The following ARFGEF3 variants were observed in gnomAD, a reference collection of about 807,000 sequenced individuals.
The protein encoded by ARFGEF3 is ARFGEF family member 3.
In ARFGEF3, 96 loss-of-function variants were observed where a neutral mutation model predicts 221.7. That is an observed-to-expected ratio of 0.43 (90% CI 0.37 to 0.51). The LOEUF (loss-of-function observed/expected upper bound fraction) is 0.51, where lower values mean the gene tolerates loss of function less well. Ranked by LOEUF, ARFGEF3 falls within the 20% of genes least tolerant of loss-of-function variation. The pLI is 0.00. For missense variants in ARFGEF3, 2,410 were observed against 2,789.9 expected, an observed-to-expected ratio of 0.86 and a Z score of 3.07; for synonymous variants, 1,145 against 1,126.8, an observed-to-expected ratio of 1.02 and a Z score of -0.32.
At chr6:138,290,070 C>A in intron 18 of ARFGEF3, 102 bp downstream of exon 18, 1 of 1,095,320 alleles carries the variant, frequency 9.1e-7, no homozygotes, top group Non-Finnish European at 1.3e-6. Context: ...AGCCTGCCAG[C>A]ATGTAAATCA....
intron 1 of ARFGEF3, among the ~76,000 whole-genome samples, chr6:138,167,785 T>C (rs1020115186): frequency 6.6e-6 from 1 of 152,212 alleles, no homozygotes; most frequent in Non-Finnish European, 1.5e-5. Context: ...TCCCAAGTAG[T>C]GTCACCTTGG....
At position 138,341,755 on chromosome 6, in the gene ARFGEF3, T is replaced by C. The variant is rs1780432934; in HGVS notation, c.*5269T>C. 6.6e-6 allele frequency: 1 copy of C among 152,162 alleles called. No individual in the cohort carries two copies. The allele number at this position is 152,162 out of a possible 1,614,324, so 9.4% of individuals were successfully genotyped here. Reference sequence around the variant, plus strand: ...ATTTGATGTGGAAATAACTAATAACTTAAGATTTTGGAACAGAACACCCTT... The same window carrying C: ...ATTTGATGTGGAAATAACTAATAACCTAAGATTTTGGAACAGAACACCCTT... On this transcript the variant is annotated 3_prime_UTR_variant, in exon 34 of 34. Transcript: ENST00000251691.
At chr6:138,163,557 A>G (rs533555199) in intron 1 of ARFGEF3, among the ~76,000 whole-genome samples, 64 of 152,174 alleles carry the variant, frequency 4.2e-4, no homozygotes, top group Non-Finnish European at 8.1e-4. Flanking sequence ...ATTCGTTATT[A>G]TTTTGCTGCA....
At chr6:138,228,589 A>T (rs1442327722) in intron 4 of ARFGEF3, among the ~76,000 whole-genome samples, 2 of 152,096 alleles carry the variant, frequency 1.3e-5, no homozygotes, top group Non-Finnish European at 2.9e-5. Context: ...CTTGTGACTA[A>T]ATATGGCAAA....
intron 8 of ARFGEF3, among the ~76,000 whole-genome samples, chr6:138,248,307 G>A (rs1052759156): frequency 1.3e-5 from 2 of 152,146 alleles, no homozygotes; most frequent in Non-Finnish European, 2.9e-5. Flanking sequence ...GAACTTGTTT[G>A]TGTTCACCAG....
chr6:138,335,640 G>A (rs910443385), intron 33 of ARFGEF3, among the ~76,000 whole-genome samples: 2 of 152,086 alleles, frequency 1.3e-5, no homozygotes, highest in Admixed American at 6.5e-5. Flanking sequence ...ATCCCAGGAG[G>A]CAGAGGTTGC....
At chr6:138,170,776 C>A in intron 2 of ARFGEF3, 63 bp downstream of exon 2, 1 of 942,196 alleles carries the variant, frequency 1.1e-6, no homozygotes, top group Non-Finnish European at 1.7e-6. Context: ...GCCCAGATAA[C>A]CACATTGGTT....
intron 7 of ARFGEF3, 129 bp downstream of exon 7, chr6:138,243,123 G>T: frequency 1.3e-6 from 1 of 763,380 alleles, no homozygotes; most frequent in Non-Finnish European, 2.3e-6. Flanking sequence ...TGGAGGTTGT[G>T]CTTGGCTTTG....
chr6:138,255,664 G>A lies in ARFGEF3; in HGVS notation c.999G>A (p.Val333=). ...TCGCAGCCGAGCTGGTCCGGCTGGT[G>A]GGGTCTGTGGACTCCATGAAGCCCG... is the stretch of plus-strand genomic sequence containing the variant. ...YYIAAELVRL[V]GSVDSMKPVL... is the part of the protein sequence containing the mutation. The change falls in exon 10 of 34, where the codon GTG becomes GTA. Residue 333 remains valine, a synonymous_variant. Coordinates refer to ENST00000251691, the MANE Select transcript of ARFGEF3 (RefSeq NM_020340.5). The A allele has an allele frequency of 6.2e-7, 1 of 1,613,656 alleles. No individual in the cohort carries two copies. Among genetic ancestry groups the A allele is most frequent in the Non-Finnish European group, 8.5e-7 (1 of 1,179,794 alleles).
At position 138,262,708 on chromosome 6, in the gene ARFGEF3, G is replaced by A. The variant is rs1448333128; in HGVS notation, c.1225G>A (p.Asp409Asn). 2.5e-6 allele frequency: 4 copies of A among 1,600,904 alleles called. No individual in the cohort carries two copies. The highest frequency in any genetic ancestry group is 1.3e-5 in the African/African-American group (1 of 74,802). Residue 409 changes from aspartate to asparagine, a missense_variant, in exon 12 of 34, where the codon GAT becomes AAT. Asp to Asn is a conservative substitution (Grantham distance 23, BLOSUM62 1). This residue lies in a region of ARFGEF3 where 570 missense variants were observed against 586.9 expected (regional missense o/e 0.97). Transcript: ENST00000251691. ...SHLDLLKLIM[D>N]GMTEACIKGG... is the part of the protein sequence containing the mutation. ...CTTTTGAACACTGTTTAGCATCATG[G>A]ATGGCATGACCGAAGCATGCATCAA...
At chr6:138,263,720 T>C (rs1345234905) in intron 12 of ARFGEF3, 109 bp downstream of exon 12, 4 of 1,065,072 alleles carry the variant, frequency 3.8e-6, no homozygotes, top group Non-Finnish European at 4.0e-6. Context: ...AGCATATTAA[T>C]GTATCTTTGG....
intron 11 of ARFGEF3, among the ~76,000 whole-genome samples, chr6:138,262,335 A>T (rs1456471628): frequency 6.6e-6 from 1 of 151,988 alleles, no homozygotes; most frequent in African/African-American, 2.4e-5. Flanking sequence ...GATTACAGGC[A>T]CATACCAACC....
chr6:138,209,399 T>G (rs1777680272), intron 3 of ARFGEF3, among the ~76,000 whole-genome samples: 1 of 152,110 alleles, frequency 6.6e-6, no homozygotes, highest in Non-Finnish European at 1.5e-5. Flanking sequence ...GAATGAATAA[T>G]CCAATAGCAG....
intron 8 of ARFGEF3, among the ~76,000 whole-genome samples, chr6:138,251,473 T>G (rs1401187844): frequency 6.6e-6 from 1 of 152,190 alleles, no homozygotes; most frequent in East Asian, 1.9e-4. Context: ...CCCTCTGATT[T>G]GTCCTGTCCA....
At position 138,265,112 on chromosome 6, in the gene ARFGEF3, C is replaced by A. The variant is rs190511844; in HGVS notation, c.2128+1501C>A. On this transcript the variant is annotated intron_variant, in intron 12 of 33. Transcript: ENST00000251691. ...TAGAGACAGGGTTTCGCTGTGTTAG[C>A]CAGGATGGTCTCGATCTCCTGACCT... Among the ~76,000 whole-genome samples, 486 of 152,154 alleles carry A rather than the reference C, an allele frequency of 3.2e-3. 2 individuals carry two copies. The highest frequency in any genetic ancestry group is 0.011 in the African/African-American group (443 of 41,506).
chr6:138,162,239 C>T lies in ARFGEF3; in HGVS notation c.85+68C>T, dbSNP rs568204927. 3 of 1,186,394 alleles carry T rather than the reference C, an allele frequency of 2.5e-6. No individual in the cohort carries two copies. Among genetic ancestry groups the T allele is most frequent in the African/African-American group, 1.6e-5 (1 of 62,584 alleles). The allele number at this position is 1,186,394 out of a possible 1,614,324, so 73.5% of individuals were successfully genotyped here. A position where few individuals can be genotyped will look rare whatever the true frequency, so the allele number is the denominator to read the frequency against. Reference sequence around the variant, plus strand: ...GGCCGGGGCTGAACCCGCGCCTCCGCGCGTGGGGCTTTCGCGGAGCGTCGG... The same window carrying T: ...GGCCGGGGCTGAACCCGCGCCTCCGTGCGTGGGGCTTTCGCGGAGCGTCGG... On this transcript the variant is annotated intron_variant, in intron 1 of 33. Coordinates refer to ENST00000251691, the MANE Select transcript of ARFGEF3 (RefSeq NM_020340.5). The surrounding 1 kb of genome is among the most constrained non-coding windows in gnomAD (Gnocchi z 4.7).
At chr6:138,240,163 T>G (rs1778368216) in intron 6 of ARFGEF3, among the ~76,000 whole-genome samples, 2 of 152,192 alleles carry the variant, frequency 1.3e-5, no homozygotes, top group Non-Finnish European at 2.9e-5. Context: ...GGATTTTGGA[T>G]ATAGCTAGTA....
chr6:138,218,039 C>T (rs1311651738), intron 4 of ARFGEF3: 4 of 1,610,210 alleles, frequency 2.5e-6, no homozygotes, highest in Admixed American at 1.7e-5. Flanking sequence ...GACAGCATTC[C>T]AGACCTAGGG....
intron 4 of ARFGEF3, among the ~76,000 whole-genome samples, chr6:138,213,796 T>G (rs1474451928): frequency 6.6e-6 from 1 of 152,166 alleles, no homozygotes; most frequent in Non-Finnish European, 1.5e-5. Flanking sequence ...AGCCTGAAGT[T>G]AATTTTTTGA....
Sources: allele counts gnomAD v4.1 joint callset (sites outside exome capture counted in the v4.1 genomes callset), GRCh38; gene constraint gnomAD v4.1.1; regional missense constraint gnomAD v4.1.1; non-coding constraint Gnocchi (gnomAD v3.1); transcripts MANE v1.5; gene names NCBI Gene and HGNC (gene_info 2026-07-23, HGNC 2026-07-21).